The following ITGAE variants were observed in gnomAD, a reference collection of about 807,000 sequenced individuals.
ITGAE encodes integrin alpha-E.
Under a neutral mutation model 136.5 loss-of-function variants are expected in ITGAE, and 99 were observed. The observed-to-expected ratio is 0.73, with a 90% CI of 0.62 to 0.86. ITGAE has a LOEUF of 0.86. Among genes scored for constraint, ITGAE ranks in the 40% least tolerant of loss-of-function variants. The probability of loss-of-function intolerance (pLI) is 0.00; values close to 1 mark genes in which losing one functional copy is unlikely to be tolerated. For missense variants in ITGAE, 1,447 were observed against 1,515.3 expected, an observed-to-expected ratio of 0.95 and a Z score of 0.75; for synonymous variants, 613 against 591.8, an observed-to-expected ratio of 1.04 and a Z score of -0.52.
intron 10 of ITGAE, 113 bp downstream of exon 10, chr17:3,756,871 G>T: frequency 8.6e-7 from 1 of 1,159,994 alleles, no homozygotes; most frequent in Non-Finnish European, 1.2e-6. Flanking sequence ...GAAGAGCTGA[G>T]GTTCAGGGAG....
Position 3,749,743 on chromosome 17 carries a change from C to A in ITGAE, c.2024+609G>T, listed in dbSNP as rs2051817091. ...AAAAACTCTGCAATTCTTGGCCAGG[C>A]ATAGTGGCTCATGCCTGTAATCCCA... On this transcript the variant is annotated intron_variant, in intron 16 of 30. Coordinates refer to ENST00000263087, the MANE Select transcript of ITGAE (RefSeq NM_002208.5). Among the ~76,000 whole-genome samples the A allele has an allele frequency of 4.6e-5, 7 of 152,086 alleles. No individual in the cohort carries two copies. The South Asian group carries it at 1.5e-3, about 32-fold the overall frequency.
In ITGAE at chr17:3,748,140, C is replaced by T; in HGVS notation, c.2025-88G>A. On this transcript the variant is annotated intron_variant, in intron 16 of 30. Transcript: ENST00000263087. ...TGATTGGTTCATGCATTCAATGGTTCTCTATCAAACATGCCCACATCCAGG... is the reference window on the plus strand; with the variant it reads ...TGATTGGTTCATGCATTCAATGGTTTTCTATCAAACATGCCCACATCCAGG... 9.0e-6 allele frequency: 12 copies of T among 1,339,484 alleles called. No individual in the cohort carries two copies. In the South Asian group the frequency reaches 1.5e-4, roughly 16 times the overall value. 83.0% of individuals were successfully genotyped at this position (1,339,484 alleles called of 1,614,324 possible).
At chr17:3,764,224 A>G (rs954595886) in intron 2 of ITGAE, among the ~76,000 whole-genome samples, 2 of 152,238 alleles carry the variant, frequency 1.3e-5, no homozygotes, top group Non-Finnish European at 2.9e-5. Flanking sequence ...GATGGTTAAT[A>G]AAAACTCTGC....
chr17:3,796,169 C>CAGTGTGTGTGTGTGTGTGTG (rs2053095515), intron 1 of ITGAE, among the ~76,000 whole-genome samples: 1 of 19,858 alleles, frequency 5.0e-5, no homozygotes, highest in Non-Finnish European at 1.2e-4. Context: ...GTGTGTGCAT[C>CAGTGTGTGTGTGTGTGTGTG]CGTGTGTGTG....
intron 1 of ITGAE, among the ~76,000 whole-genome samples, chr17:3,797,210 G>T (rs1486284539): frequency 2.1e-5 from 3 of 141,714 alleles, no homozygotes; most frequent in Non-Finnish European, 3.0e-5. Context: ...CTGTCGCCCA[G>T]GCTGGAGTGC....
chr17:3,725,365 A>T, intron 26 of ITGAE: 2 of 1,614,208 alleles, frequency 1.2e-6, no homozygotes, highest in Non-Finnish European at 1.7e-6. Flanking sequence ...CCCTTTAGCC[A>T]TTGCCTTCCC....
chr17:3,746,315 G>A (rs1040310341), intron 17 of ITGAE, among the ~76,000 whole-genome samples: 4 of 152,100 alleles, frequency 2.6e-5, no homozygotes, highest in African/African-American at 7.2e-5. Flanking sequence ...TGGAAGCACC[G>A]TGGAGATCCC....
intron 9 of ITGAE, 136 bp from the exon 10 acceptor site, chr17:3,757,270 C>T: frequency 2.7e-6 from 3 of 1,126,200 alleles, no homozygotes; most frequent in Non-Finnish European, 3.8e-6. Context: ...CCTTTCCCTG[C>T]TCCCTGTTCT....
At chr17:3,733,053 G>A (rs527577945) in intron 21 of ITGAE, among the ~76,000 whole-genome samples, 11 of 152,102 alleles carry the variant, frequency 7.2e-5, no homozygotes, top group South Asian at 2.1e-4. Context: ...GCGCGATCTC[G>A]GCTCACTGCA....
At chr17:3,729,637 C>A in intron 23 of ITGAE, 82 bp from the exon 24 acceptor site, 1 of 925,966 alleles carries the variant, frequency 1.1e-6, no homozygotes, top group South Asian at 1.3e-5. Flanking sequence ...CTCTGTTGCC[C>A]AGGCAGGAGT....
At chr17:3,769,453 C>T (rs1418190026) in intron 2 of ITGAE, among the ~76,000 whole-genome samples, 1 of 151,992 alleles carries the variant, frequency 6.6e-6, no homozygotes, top group African/African-American at 2.4e-5. Flanking sequence ...CATGCAATGA[C>T]ATGGCCTGGG....
At chr17:3,738,186 C>A (rs182039457) in intron 20 of ITGAE, among the ~76,000 whole-genome samples, 158 of 151,854 alleles carry the variant, frequency 1.0e-3, no homozygotes, top group Non-Finnish European at 2.0e-3. Context: ...CCCCCCCTCC[C>A]CGTTTTTGGA....
In ITGAE at chr17:3,743,511, G is replaced by C. The variant is rs144157354; in HGVS notation, c.2426C>G (p.Thr809Ser). ...DHPQPILDRY[T>S]EPFAIFQLPY... is the part of the protein sequence containing the mutation. ...CACCTGGAAGATGGCAAAGGGCTCA[G>C]TGTAGCGGTCCAGGATGGGCTGGGG... The change falls in exon 19 of 31, where the codon ACT becomes AGT. Residue 809 changes from threonine to serine, a missense_variant. Physicochemically the swap from Thr to Ser is moderately conservative, Grantham distance 58. Coordinates refer to ENST00000263087, the MANE Select transcript of ITGAE (RefSeq NM_002208.5). The C allele has an allele frequency of 6.2e-7, 1 of 1,608,320 alleles. No individual in the cohort carries two copies. Among genetic ancestry groups the C allele is most frequent in the African/African-American group, 1.3e-5 (1 of 74,440 alleles).
chr17:3,801,020 C>A, intron 1 of ITGAE, 91 bp downstream of exon 1: 4 of 1,439,278 alleles, frequency 2.8e-6, no homozygotes, highest in Non-Finnish European at 3.9e-6. Context: ...TGAGCCCCAT[C>A]AGAGACAGAC....
At chr17:3,768,234 C>G (rs2143194862) in intron 2 of ITGAE, among the ~76,000 whole-genome samples, 1 of 152,256 alleles carries the variant, frequency 6.6e-6, no homozygotes, top group African/African-American at 2.4e-5. Context: ...AAGCGATCCT[C>G]CCACCTCAGT....
At position 3,732,452 on chromosome 17, in the gene ITGAE, G is replaced by A. The variant is rs746277089; in HGVS notation, c.2670C>T (p.Asn890=). The change falls in exon 22 of 31, where the codon AAC becomes AAT. Residue 890 remains asparagine, a synonymous_variant. Transcript: ENST00000263087. ...LKRMQKPPSP[N]IQCDDPQPVA... is the part of the protein sequence containing the mutation. ...CCGGCTGAGGGTCATCACACTGAAT[G>A]TTTGGAGAGGGAGGCTGTTAAAAGA... is the stretch of plus-strand genomic sequence containing the variant. 1.2e-6 allele frequency: 2 copies of A among 1,613,930 alleles called. No individual in the cohort carries two copies. The highest frequency in any genetic ancestry group is 1.3e-5 in the African/African-American group (1 of 75,046).
At chr17:3,757,171 G>C (rs374826495) in intron 9 of ITGAE, 37 bp from the exon 10 acceptor site, 1 of 1,604,818 alleles carries the variant, frequency 6.2e-7, no homozygotes, top group Admixed American at 1.7e-5. Context: ...TCAGCGCTGC[G>C]TGGATTCCCC....
At chr17:3,746,893 G>A (rs1335373182) in intron 17 of ITGAE, among the ~76,000 whole-genome samples, 2 of 152,182 alleles carry the variant, frequency 1.3e-5, no homozygotes, top group East Asian at 3.9e-4. Flanking sequence ...ACCCGGCCAG[G>A]TCTGTCATTT....
At chr17:3,775,527 T>C (rs939180285) in intron 2 of ITGAE, among the ~76,000 whole-genome samples, 1 of 152,046 alleles carries the variant, frequency 6.6e-6, no homozygotes, top group Non-Finnish European at 1.5e-5. Flanking sequence ...TGGCACGATC[T>C]CGGCTCACTG....
Sources: gnomAD v4.1 joint callset for allele counts (sites outside exome capture counted in the v4.1 genomes callset) on GRCh38, gnomAD v4.1.1 for gene constraint, MANE v1.5 for transcripts, NCBI Gene and HGNC (gene_info 2026-07-23, HGNC 2026-07-21) for gene names.